Variants in KIAA1614 observed in about 807,000 individuals in gnomAD.
KIAA1614 encodes the protein uncharacterized protein KIAA1614.
A neutral mutation model predicts 88.7 loss-of-function variants in KIAA1614; 76 were observed. The ratio of observed to expected loss-of-function variants is 0.86; its 90% CI spans 0.71 to 1.04. KIAA1614 has a LOEUF of 1.04. Ranked by LOEUF, KIAA1614 falls within the 50% of genes least tolerant of loss-of-function variation. The pLI is 0.00. For synonymous variants in KIAA1614, 714 were observed against 675.5 expected, an observed-to-expected ratio of 1.06 and a Z score of -0.88; for missense variants, 1,553 against 1,582.5, an observed-to-expected ratio of 0.98 and a Z score of 0.32.
Position 180,916,420 on chromosome 1 carries a change from C to T in KIAA1614, c.317C>T (p.Ala106Val). The T allele has an allele frequency of 6.2e-7, 1 of 1,614,232 alleles. No individual in the cohort carries two copies. Among genetic ancestry groups the T allele is most frequent in the East Asian group, 2.2e-5 (1 of 44,890 alleles). The part of the protein sequence containing the change: ...VAKQGVSPCS[A>V]SQEWSSPKKP... ...AAACAGGGAGTGAGTCCCTGCTCTG[C>T]TTCCCAAGAGTGGTCATCCCCCAAG... Residue 106 changes from alanine to valine, a missense_variant, in exon 2 of 9, where the codon GCT (alanine) becomes GTT (valine). Physicochemically the swap from Ala to Val is moderately conservative, Grantham distance 64. Coordinates refer to ENST00000367588, the MANE Select transcript of KIAA1614 (RefSeq NM_020950.2).
Position 180,950,568 on chromosome 1 carries a change from C to G in KIAA1614, c.*4980C>G. The stretch of plus-strand genomic sequence containing the variant: ...GCCGCTGCCCTCACTGTCACGGCCT[C>G]GGAAGCCCTGAAGCACTCAGGGTGG... On this transcript the variant is annotated 3_prime_UTR_variant, in exon 9 of 9. Transcript: ENST00000367588. The G allele has an allele frequency of 9.3e-7, 1 of 1,071,126 alleles. No individual in the cohort carries two copies. Among genetic ancestry groups the G allele is most frequent in the Non-Finnish European group, 1.1e-6 (1 of 874,246 alleles). The allele number at this position is 1,071,126 out of a possible 1,614,324, so 66.4% of individuals were successfully genotyped here. A position where few individuals can be genotyped will look rare whatever the true frequency, so the allele number is the denominator to read the frequency against.
At chr1:180,922,099 G>C (rs750193991) in intron 3 of KIAA1614, among the ~76,000 whole-genome samples, 2 of 152,238 alleles carry the variant, frequency 1.3e-5, no homozygotes, top group South Asian at 4.1e-4. Context: ...CTCCTCGGCC[G>C]TCTCCATAGA....
At chr1:180,934,818 C>T in intron 4 of KIAA1614, among the ~76,000 whole-genome samples, 1 of 152,222 alleles carries the variant, frequency 6.6e-6, no homozygotes, top group Non-Finnish European at 1.5e-5. Flanking sequence ...TCAGCATCTT[C>T]CCATTCAATA....
At chr1:180,938,497 C>G in intron 5 of KIAA1614, 58 bp from the exon 6 acceptor site, 1 of 1,580,520 alleles carries the variant, frequency 6.3e-7, no homozygotes, top group Non-Finnish European at 8.6e-7. Flanking sequence ...TCCCATTCCC[C>G]CACAGGACCT....
intron 3 of KIAA1614, among the ~76,000 whole-genome samples, chr1:180,923,297 T>C (rs1245208490): frequency 6.6e-6 from 1 of 152,178 alleles, no homozygotes; most frequent in African/African-American, 2.4e-5. Flanking sequence ...CTCAAAATGA[T>C]TGGTGTTTCT....
At position 180,950,240 on chromosome 1, in the gene KIAA1614, T is replaced by G. The variant is rs1654702120; in HGVS notation, c.*4652T>G. ...GTGCCTGGTATGAGCACCTCCTCCC[T>G]GTGCCACACAAACAGCACCTCATCA... is the stretch of plus-strand genomic sequence containing the variant. On this transcript the variant is annotated 3_prime_UTR_variant, in exon 9 of 9. Transcript: ENST00000367588. The G allele has an allele frequency of 3.8e-6, 3 of 783,326 alleles. No individual in the cohort carries two copies. The highest frequency in any genetic ancestry group is 5.0e-6 in the Non-Finnish European group (3 of 595,214). 48.5% of individuals were successfully genotyped at this position (783,326 alleles called of 1,614,324 possible).
intron 4 of KIAA1614, among the ~76,000 whole-genome samples, chr1:180,934,374 C>T (rs575665129): frequency 2.0e-4 from 30 of 151,658 alleles, no homozygotes; most frequent in Non-Finnish European, 3.5e-4. Flanking sequence ...GGATCACTTG[C>T]GCCCAGGAGT....
rs559138596 is a variant in KIAA1614, at chr1:180,936,072, C to T, written c.2163C>T (p.Pro721=). Residue 721 remains proline (P), a synonymous_variant, in exon 5 of 9, where the codon CCC becomes CCT. Transcript: ENST00000367588. ...AGTTGAAGCGGGTGTCCCTGGGACCCCAGTGGCAGCCTGGACCAGGGCTGG... is the reference window on the plus strand; with the variant it reads ...AGTTGAAGCGGGTGTCCCTGGGACCTCAGTGGCAGCCTGGACCAGGGCTGG... The part of the protein sequence containing the change: ...DLELKRVSLG[P]QWQPGPGLGS... 1 of 1,614,134 alleles carries T rather than the reference C, an allele frequency of 6.2e-7. No homozygotes were observed. Among genetic ancestry groups the T allele is most frequent in the South Asian group, 1.1e-5 (1 of 91,082 alleles).
At chr1:180,943,850 C>T (rs1654525623) in intron 7 of KIAA1614, among the ~76,000 whole-genome samples, 1 of 152,128 alleles carries the variant, frequency 6.6e-6, no homozygotes, top group Non-Finnish European at 1.5e-5. Context: ...ACCCGGCACA[C>T]ACCATCTCTT....
chr1:180,936,264 T>C lies in KIAA1614; in HGVS notation c.2355T>C (p.His785=), dbSNP rs371968797. ...CTCCTTCCTCCCTGCAACAGAGCCA[T>C]GCAGAGCCTTCTGCCCCACACCAAG... ...IVSPSSLQQS[H]AEPSAPHQAW... is the part of the protein sequence containing the mutation. Residue 785 remains histidine, a synonymous_variant, in exon 5 of 9, where the codon CAT becomes CAC. Transcript: ENST00000367588. 2.9e-4 allele frequency: 475 copies of C among 1,614,056 alleles called. 1 individual carries two copies. Among genetic ancestry groups the C allele is most frequent in the Non-Finnish European group, 3.7e-4 (434 of 1,180,032 alleles).
intron 6 of KIAA1614, among the ~76,000 whole-genome samples, 181 bp from the exon 7 acceptor site, chr1:180,940,864 A>G (rs1230014247): frequency 2.6e-5 from 4 of 151,948 alleles, no homozygotes; most frequent in South Asian, 4.2e-4. Context: ...GACAGGAGCC[A>G]CCACACCCGG....
In KIAA1614 at chr1:180,928,538, C is replaced by T; in HGVS notation, c.1170C>T (p.Ser390=). 1 of 1,612,890 alleles carries T rather than the reference C, an allele frequency of 6.2e-7. No homozygotes were observed. Among genetic ancestry groups the T allele is most frequent in the South Asian group, 1.1e-5 (1 of 91,074 alleles). ...CCAGGACCCGGCCCCTCCGTGCCAG[C>T]CATGACATCGTGCCCACCATTACCC... ...MKARTRPLRA[S]HDIVPTITQG... The change falls in exon 4 of 9, where the codon AGC becomes AGT. Residue 390 remains serine (S), a synonymous_variant. Transcript: ENST00000367588.
chr1:180,935,334 G>A lies in KIAA1614; in HGVS notation c.1425G>A (p.Val475=). Residue 475 remains valine, a synonymous_variant, in exon 5 of 9, where the codon GTG becomes GTA. Transcript: ENST00000367588. The surrounding 1 kb of genome is among the most constrained non-coding windows in gnomAD (Gnocchi z 6.1). The part of the protein sequence containing the change: ...LERLQQRQRQ[V]LSTVLQAADQ... ...GGCTGCAGCAGCGCCAGCGCCAGGT[G>A]CTGAGCACCGTGTTGCAGGCCGCGG... is the stretch of plus-strand genomic sequence containing the variant. 1.4e-6 allele frequency: 2 copies of A among 1,479,428 alleles called. No individual in the cohort carries two copies. The highest frequency in any genetic ancestry group is 2.8e-5 in the South Asian group (2 of 70,980). 91.6% of individuals were successfully genotyped at this position (1,479,428 alleles called of 1,614,324 possible).
In KIAA1614 at chr1:180,936,350, G is replaced by A. The variant is rs756234426; in HGVS notation, c.2441G>A (p.Arg814Lys). The A allele has an allele frequency of 6.2e-7, 1 of 1,614,232 alleles. No individual in the cohort carries two copies. The highest frequency in any genetic ancestry group is 1.7e-5 in the Admixed American group (1 of 60,026). ...EGWAPTPPPS[R>K]KTTSPVSHRK... ...TGGGCGCCAACCCCTCCCCCTTCGAGGAAAACCACCTCGCCAGTGTCTCAC... is the reference window on the plus strand; with the variant it reads ...TGGGCGCCAACCCCTCCCCCTTCGAAGAAAACCACCTCGCCAGTGTCTCAC... Residue 814 changes from arginine to lysine, a missense_variant, in exon 5 of 9, where the codon AGG becomes AAG. Arg to Lys is a conservative substitution (Grantham distance 26). Transcript: ENST00000367588.
chr1:180,942,077 G>A (rs988428022), intron 7 of KIAA1614, among the ~76,000 whole-genome samples: 4 of 52,096 alleles, frequency 7.7e-5, no homozygotes, highest in Non-Finnish European at 1.2e-4. Flanking sequence ...CCCCAGCCCC[G>A]CTCCCATTTC....
chr1:180,922,769 T>C (rs3915884), intron 3 of KIAA1614, among the ~76,000 whole-genome samples: 151,719 of 152,320 alleles, frequency 1, 75,567 homozygotes, highest in Middle Eastern at 1. Flanking sequence ...AGCAATTCTC[T>C]GGCAGACCCC....
intron 1 of KIAA1614, among the ~76,000 whole-genome samples, chr1:180,914,231 G>C (rs1361554367): frequency 6.6e-6 from 1 of 152,174 alleles, no homozygotes; most frequent in Non-Finnish European, 1.5e-5. Context: ...TTAAAACGCT[G>C]TGGCATGTAG....
intron 3 of KIAA1614, among the ~76,000 whole-genome samples, chr1:180,923,895 C>T (rs1654008949): frequency 6.6e-6 from 1 of 151,990 alleles, no homozygotes; most frequent in African/African-American, 2.4e-5. Context: ...TACCAACCCC[C>T]AGCTCCCATC....
chr1:180,934,556 C>T (rs996386562), intron 4 of KIAA1614, among the ~76,000 whole-genome samples: 2 of 152,182 alleles, frequency 1.3e-5, no homozygotes, highest in Non-Finnish European at 2.9e-5. Flanking sequence ...TGTCACTGCA[C>T]TCCAGCCTGG....
Sources: allele counts gnomAD v4.1 joint callset (sites outside exome capture counted in the v4.1 genomes callset), GRCh38; gene constraint gnomAD v4.1.1; non-coding constraint Gnocchi (gnomAD v3.1); transcripts MANE v1.5; gene names NCBI Gene and HGNC (gene_info 2026-07-23, HGNC 2026-07-21).